Variants in TLE1 observed in about 807,000 individuals in gnomAD.
TLE1 encodes TLE family member 1, transcriptional corepressor, also known as transducin-like enhancer protein 1.
Under a neutral mutation model 89.8 loss-of-function variants are expected in TLE1, and 21 were observed. The observed-to-expected ratio is 0.23, with a 90% CI of 0.17 to 0.34. The LOEUF (loss-of-function observed/expected upper bound fraction) is 0.34. Ranked by LOEUF, TLE1 falls within the 10% of genes least tolerant of loss-of-function variation. The pLI, the probability that TLE1 is intolerant of heterozygous loss-of-function variation, is 1.00. For missense variants in TLE1, 795 were observed against 1,031.2 expected (o/e 0.77, Z 3.14); for synonymous variants, 447 against 407.6 (o/e 1.10, Z -1.16).
chr9:81,688,039 A>G (rs926524983), intron 1 of TLE1, among the ~76,000 whole-genome samples, 178 bp downstream of exon 1: 6 of 151,928 alleles, frequency 3.9e-5, no homozygotes, highest in Admixed American at 3.9e-4. Context: ...GAGGGAGAAA[A>G]TTAAGAGTTT....
chr9:81,687,057 AT>A (rs759797315), intron 2 of TLE1, among the ~76,000 whole-genome samples: 2 of 152,306 alleles, frequency 1.3e-5, no homozygotes, highest in Non-Finnish European at 2.9e-5. Context: ...AAGTGCAAAT[AT>A]TGACGATTCT....
At chr9:81,613,777 T>G (rs940782728) in intron 11 of TLE1, among the ~76,000 whole-genome samples, 1 of 152,162 alleles carries the variant, frequency 6.6e-6, no homozygotes, top group Non-Finnish European at 1.5e-5. Context: ...ATTTTAAAAG[T>G]ATTTTCCATC....
chr9:81,687,727 A>T (rs896327774), intron 1 of TLE1, among the ~76,000 whole-genome samples: 1 of 151,712 alleles, frequency 6.6e-6, no homozygotes, highest in African/African-American at 2.4e-5. Context: ...GCCAGGGAAG[A>T]CCAGGCCAGA....
chr9:81,680,799 G>A (rs1283155800), intron 4 of TLE1, among the ~76,000 whole-genome samples: 1 of 151,984 alleles, frequency 6.6e-6, no homozygotes, highest in Non-Finnish European at 1.5e-5. Context: ...TGTATGACAA[G>A]ATTATTAACA....
intron 8 of TLE1, among the ~76,000 whole-genome samples, chr9:81,630,225 C>T (rs1826399431): frequency 6.6e-6 from 1 of 152,010 alleles, no homozygotes; most frequent in Non-Finnish European, 1.5e-5. Flanking sequence ...CCCGGAGACC[C>T]TCGCAAATCT....
intron 6 of TLE1, among the ~76,000 whole-genome samples, chr9:81,649,697 G>A (rs1829301758): frequency 6.6e-6 from 1 of 152,098 alleles, no homozygotes; most frequent in Non-Finnish European, 1.5e-5. Context: ...ATCAAACCAG[G>A]CTGCATTTAC....
intron 8 of TLE1, 85 bp from the exon 9 acceptor site, chr9:81,620,642 T>G: frequency 6.5e-7 from 1 of 1,546,192 alleles, no homozygotes; most frequent in Non-Finnish European, 8.7e-7. Flanking sequence ...GAACTATTTT[T>G]GAAAGGTGAT....
intron 8 of TLE1, among the ~76,000 whole-genome samples, chr9:81,631,222 A>G (rs1826558022): frequency 6.6e-6 from 1 of 152,250 alleles, no homozygotes; most frequent in African/African-American, 2.4e-5. Context: ...GGGACAACCA[A>G]TAACCCTCCC....
intron 4 of TLE1, among the ~76,000 whole-genome samples, chr9:81,680,138 AAC>A (rs1466284318): frequency 6.6e-6 from 1 of 152,206 alleles, no homozygotes; most frequent in Non-Finnish European, 1.5e-5. Context: ...CGAGGGAACA[AAC>A]AGACTTTTGT....
At position 81,689,292 on chromosome 9, in the gene TLE1, CCCCGGCGGGCAAA is replaced by C. The variant is rs1834739196; in HGVS notation, c.-1065_-1053del. On this transcript the variant is annotated 5_prime_UTR_variant, in exon 1 of 20. Transcript: ENST00000376499. Reference sequence around the variant, plus strand: ...GTGCGCTCCGCCAATCGGCCACCCTCCCCGGCGGGCAAACTCTGCGGGCGAGTCCAGAGTAGTC... The same window carrying C: ...GTGCGCTCCGCCAATCGGCCACCCTCCTCTGCGGGCGAGTCCAGAGTAGTC... The C allele has an allele frequency of 6.6e-6, 1 of 152,348 alleles. No homozygotes were observed. Among genetic ancestry groups the C allele is most frequent in the African/African-American group, 2.4e-5 (1 of 41,472 alleles). The allele number at this position is 152,348 out of a possible 1,614,324, so 9.4% of individuals were successfully genotyped here. A position where few individuals can be genotyped will look rare whatever the true frequency, so the allele number is the denominator to read the frequency against.
chr9:81,630,474 TTAAG>T (rs1160575246), intron 8 of TLE1, among the ~76,000 whole-genome samples: 3 of 152,178 alleles, frequency 2.0e-5, no homozygotes, highest in Non-Finnish European at 4.4e-5. Context: ...CTTCATCTGT[TTAAG>T]TGATTTAATT....
chr9:81,673,696 G>T lies in TLE1; in HGVS notation c.234+11980C>A, dbSNP rs1303984906. The stretch of plus-strand genomic sequence containing the variant: ...ATCCACACAAAGGGAGGCTGGGAAG[G>T]TTGACACGGGGAGGGGGCGGCTTCT... On this transcript the variant is annotated intron_variant, in intron 4 of 19. Coordinates refer to ENST00000376499, the MANE Select transcript of TLE1 (RefSeq NM_005077.5). 3.3e-5 allele frequency among the ~76,000 whole-genome samples: 5 copies of T among 151,902 alleles called. No individual in the cohort carries two copies. In the East Asian group the frequency reaches 9.6e-4, roughly 29 times the overall value.
chr9:81,675,999 G>A (rs138107003), intron 4 of TLE1, among the ~76,000 whole-genome samples: 4 of 152,106 alleles, frequency 2.6e-5, no homozygotes, highest in African/African-American at 4.8e-5. Flanking sequence ...ACACCAGGCC[G>A]ACCCACACTA....
intron 6 of TLE1, among the ~76,000 whole-genome samples, chr9:81,645,655 G>A (rs1036863683): frequency 4.6e-5 from 7 of 151,476 alleles, no homozygotes; most frequent in African/African-American, 1.2e-4. Flanking sequence ...CAGGAGAACC[G>A]CTTGAACCCG....
In TLE1 at chr9:81,689,278, C is replaced by T. The variant is rs1834738046; in HGVS notation, c.-1038G>A. 1 of 152,400 alleles carries T rather than the reference C, an allele frequency of 6.6e-6. No homozygotes were observed. Among genetic ancestry groups the T allele is most frequent in the Non-Finnish European group, 1.5e-5 (1 of 68,182 alleles). The allele number at this position is 152,400 out of a possible 1,614,324, so 9.4% of individuals were successfully genotyped here. A position where few individuals can be genotyped will look rare whatever the true frequency, so the allele number is the denominator to read the frequency against. On this transcript the variant is annotated 5_prime_UTR_variant, in exon 1 of 20. Transcript: ENST00000376499. ...GGAAAACAGCAGGAGTGCGCTCCGC[C>T]AATCGGCCACCCTCCCCGGCGGGCA...
intron 16 of TLE1, among the ~76,000 whole-genome samples, chr9:81,588,687 C>G (rs1469664640): frequency 6.6e-6 from 1 of 152,146 alleles, no homozygotes; most frequent in African/African-American, 2.4e-5. Flanking sequence ...TAAGCCCCAG[C>G]AGGGACGGTG....
At chr9:81,633,434 A>C in intron 7 of TLE1, 70 bp from the exon 8 acceptor site, 2 of 1,611,838 alleles carry the variant, frequency 1.2e-6, no homozygotes, top group Non-Finnish European at 1.7e-6. Flanking sequence ...CAGAAATAAA[A>C]AAAAGGGGGG....
intron 9 of TLE1, among the ~76,000 whole-genome samples, chr9:81,617,501 A>C (rs1563976961): frequency 1.3e-5 from 2 of 151,638 alleles, no homozygotes; most frequent in Admixed American, 6.6e-5. Flanking sequence ...CAGGAGTTCA[A>C]GACCAGCCTG....
intron 4 of TLE1, among the ~76,000 whole-genome samples, chr9:81,662,698 C>CA (rs1030990268): frequency 0.04 from 5,547 of 138,306 alleles, 325 homozygotes; most frequent in African/African-American, 0.13. Context: ...AACTCCGTAT[C>CA]AAAAAAAAAA....
Sources: allele counts gnomAD v4.1 joint callset (sites outside exome capture counted in the v4.1 genomes callset), GRCh38; gene constraint gnomAD v4.1.1; transcripts MANE v1.5; gene names NCBI Gene and HGNC (gene_info 2026-07-23, HGNC 2026-07-21).